The following KIFAP3 variants were observed in gnomAD, a reference collection of about 807,000 sequenced individuals.
KIFAP3 encodes kinesin associated protein 3.
A neutral mutation model predicts 106.5 loss-of-function variants in KIFAP3; 68 were observed. The observed-to-expected ratio is 0.64, with a 90% CI of 0.53 to 0.78. The LOEUF (loss-of-function observed/expected upper bound fraction) is 0.78, where lower values mean the gene tolerates loss of function less well. Ranked by LOEUF, KIFAP3 falls within the 30% of genes least tolerant of loss-of-function variation. KIFAP3 has a pLI of 0.00. For missense variants in KIFAP3, 780 were observed against 941.8 expected (o/e 0.83, Z 2.25); for synonymous variants, 320 against 311.5 (o/e 1.03, Z -0.29).
chr1:170,013,033 C>T (rs1571663336), intron 10 of KIFAP3, among the ~76,000 whole-genome samples: 2 of 152,212 alleles, frequency 1.3e-5, no homozygotes, highest in African/African-American at 2.4e-5. Context: ...CCATACAGTG[C>T]CTTTAGAAAA....
chr1:170,037,234 G>A (rs180849812), intron 5 of KIFAP3, among the ~76,000 whole-genome samples: 26 of 152,258 alleles, frequency 1.7e-4, no homozygotes, highest in Non-Finnish European at 2.9e-4. Flanking sequence ...ATAAAAGAAT[G>A]GCAAGCATAT....
chr1:169,936,961 TTA>T (rs58498952), intron 19 of KIFAP3, among the ~76,000 whole-genome samples: 6 of 145,808 alleles, frequency 4.1e-5, no homozygotes, highest in African/African-American at 7.4e-5. Context: ...GGAATATATA[TTA>T]TATATATATA....
intron 19 of KIFAP3, among the ~76,000 whole-genome samples, chr1:169,941,230 T>C (rs1463778789): frequency 6.6e-6 from 1 of 152,198 alleles, no homozygotes; most frequent in Non-Finnish European, 1.5e-5. Flanking sequence ...TCTAACATTA[T>C]ACCTAATACC....
chr1:170,079,193 G>C (rs1354518418), upstream of KIFAP3, among the ~76,000 whole-genome samples: 1 of 152,076 alleles, frequency 6.6e-6, no homozygotes, highest in Non-Finnish European at 1.5e-5. Context: ...TCCTGTGAGA[G>C]CTGGTTGACA....
At chr1:170,026,218 T>C (rs1015861428) in intron 8 of KIFAP3, among the ~76,000 whole-genome samples, 20 of 152,142 alleles carry the variant, frequency 1.3e-4, no homozygotes, top group Non-Finnish European at 2.6e-4. Context: ...ACCTTGACTT[T>C]GGCCTTCCCC....
At chr1:169,999,672 C>T (rs765943256) in intron 10 of KIFAP3, among the ~76,000 whole-genome samples, 7 of 152,128 alleles carry the variant, frequency 4.6e-5, no homozygotes, top group South Asian at 2.1e-4. Context: ...ATAAGTACTT[C>T]GATAGGATTT....
rs949103086 is a variant in KIFAP3 at position 170,019,664 on chromosome 1, A to C, written c.1021-3040T>G. Among the ~76,000 whole-genome samples, 3 of 152,176 alleles carry C rather than the reference A, an allele frequency of 2.0e-5. No individual in the cohort carries two copies. In the East Asian group the frequency reaches 5.8e-4, roughly 29 times the overall value. On this transcript the variant is annotated intron_variant, in intron 9 of 19. Transcript: ENST00000361580. ...TCCATTCATGATAAAAAGTCTCAGC[A>C]AGCAAGAAATAGAAGAACTTCCTTA...
At chr1:170,022,037 C>T (rs575993028) in intron 9 of KIFAP3, among the ~76,000 whole-genome samples, 3 of 149,416 alleles carry the variant, frequency 2.0e-5, no homozygotes, top group Admixed American at 6.7e-5. Flanking sequence ...GCAACTTCCA[C>T]CTCCTGGGTT....
intron 1 of KIFAP3, among the ~76,000 whole-genome samples, chr1:170,065,441 G>A (rs959669106): frequency 2.0e-5 from 3 of 151,642 alleles, no homozygotes; most frequent in Non-Finnish European, 4.4e-5. Context: ...GTGAAACCCT[G>A]TCTCTACTAA....
At chr1:170,072,320 C>T (rs528462634) in intron 1 of KIFAP3, among the ~76,000 whole-genome samples, 27 of 152,268 alleles carry the variant, frequency 1.8e-4, no homozygotes, top group African/African-American at 6.5e-4. Context: ...AGACACATAG[C>T]ACCTACCTTT....
intron 1 of KIFAP3, among the ~76,000 whole-genome samples, chr1:170,063,387 C>A (rs757832244): frequency 6.6e-6 from 1 of 152,156 alleles, no homozygotes; most frequent in South Asian, 2.1e-4. Flanking sequence ...TGATCCCCAC[C>A]CAGGAACTGA....
chr1:169,922,985 GTT>G (rs1412953917), intron 19 of KIFAP3: 3 of 405,134 alleles, frequency 7.4e-6, no homozygotes, highest in African/African-American at 2.2e-5. Flanking sequence ...GCGTGTGTGT[GTT>G]TGTGTGCACG....
chr1:170,039,808 G>A (rs1037466784), intron 3 of KIFAP3, among the ~76,000 whole-genome samples: 3 of 151,940 alleles, frequency 2.0e-5, no homozygotes, highest in Non-Finnish European at 4.4e-5. Flanking sequence ...AAATTAAAAG[G>A]CAAACATTTA....
intron 3 of KIFAP3, among the ~76,000 whole-genome samples, chr1:170,043,057 G>A (rs1263199583): frequency 1.3e-5 from 2 of 152,116 alleles, no homozygotes; most frequent in Non-Finnish European, 2.9e-5. Flanking sequence ...TAACTTTTAC[G>A]TTTAGTAACT....
chr1:170,083,205 G>A (rs1056509747), intron 1 of KIFAP3, among the ~76,000 whole-genome samples: 2 of 152,062 alleles, frequency 1.3e-5, no homozygotes, highest in South Asian at 2.1e-4. Flanking sequence ...AATCAAAGAC[G>A]TGAATCCCAA....
At chr1:170,003,607 CTGTT>C (rs10551892) in intron 10 of KIFAP3, among the ~76,000 whole-genome samples, 142,518 of 152,124 alleles carry the variant, frequency 0.94, 66,842 homozygotes, top group East Asian at 1. Context: ...TGCCTTTTGT[CTGTT>C]TGTGCCCTGC....
intron 10 of KIFAP3, among the ~76,000 whole-genome samples, chr1:170,011,757 T>C (rs1264531958): frequency 6.6e-6 from 1 of 152,076 alleles, no homozygotes; most frequent in Admixed American, 6.6e-5. Context: ...ACTATATCTT[T>C]TGTATAAGCA....
intron 10 of KIFAP3, among the ~76,000 whole-genome samples, chr1:170,010,660 G>A (rs1464625525): frequency 6.6e-6 from 1 of 151,914 alleles, no homozygotes; most frequent in Non-Finnish European, 1.5e-5. Flanking sequence ...CTAGTTAAAT[G>A]TTTCAGGAAA....
chr1:169,930,892 C>A (rs1294413742), intron 19 of KIFAP3, among the ~76,000 whole-genome samples: 1 of 148,410 alleles, frequency 6.7e-6, no homozygotes, highest in Non-Finnish European at 1.5e-5. Flanking sequence ...TGCTGGAAGT[C>A]CTTTTCATTT....
Sources: allele counts gnomAD v4.1 joint callset (sites outside exome capture counted in the v4.1 genomes callset), GRCh38; gene constraint gnomAD v4.1.1; transcripts MANE v1.5; gene names NCBI Gene and HGNC (gene_info 2026-07-23, HGNC 2026-07-21).